Variants in TMEM161A observed in about 807,000 individuals in gnomAD.
TMEM161A encodes adaptive response to oxidative stress protein 29.
TMEM161A carries 46 observed loss-of-function variants against 57.1 expected under a neutral mutation model. The observed-to-expected ratio is 0.81, with a 90% confidence interval of 0.64 to 1.03. The LOEUF (loss-of-function observed/expected upper bound fraction) is 1.03. Among genes scored for constraint, TMEM161A ranks in the 50% least tolerant of loss-of-function variants. The probability of loss-of-function intolerance (pLI) is 0.00; values close to 1 mark genes in which losing one functional copy is unlikely to be tolerated. For missense variants in TMEM161A, 601 were observed against 621.5 expected (o/e 0.97, Z 0.35); for synonymous variants, 288 against 279.0 (o/e 1.03, Z -0.32).
At position 19,133,119 on chromosome 19, in the gene TMEM161A, AGGTCACTCACC is replaced by A; in HGVS notation, c.188_188+10del. The A allele has an allele frequency of 6.2e-7, 1 of 1,612,890 alleles. No individual in the cohort carries two copies. Among genetic ancestry groups the A allele is most frequent in the South Asian group, 1.1e-5 (1 of 90,922 alleles). ...CCTCCCAAGGCTGGGGCTGGGGCCC[AGGTCACTCACC>A]GCTCTTTCCTGCCTCTGGGCCTCGG... On this transcript the variant is annotated splice_donor_variant and splice_donor_5th_base_variant and coding_sequence_variant and intron_variant, in exon 3 of 12. Coordinates refer to ENST00000162044, the MANE Select transcript of TMEM161A (RefSeq NM_017814.3). LOFTEE classifies it high-confidence loss of function.
At chr19:19,126,281 C>T (rs962110179) in intron 6 of TMEM161A, among the ~76,000 whole-genome samples, 6 of 149,360 alleles carry the variant, frequency 4.0e-5, no homozygotes, top group African/African-American at 1.5e-4. Flanking sequence ...AGAGGTGACA[C>T]TTACAACTAC....
rs144358277 is a variant in TMEM161A, at chr19:19,130,260, C to T, written c.491G>A (p.Gly164Glu). 48 of 1,613,752 alleles carry T rather than the reference C, an allele frequency of 3.0e-5. No individual in the cohort carries two copies. Among genetic ancestry groups the T allele is most frequent in the Admixed American group, 6.7e-5 (4 of 59,994 alleles). ...GGTGAGGCAGACAGAGCGCTCACCCCCCTCCTCGGCGCTGAAGTACAGCCG... is the reference window on the plus strand; with the variant it reads ...GGTGAGGCAGACAGAGCGCTCACCCTCCTCCTCGGCGCTGAAGTACAGCCG... Reference protein sequence around the residue: ...VTRLYFSAEEGGERSVCLTFA... With the variant: ...VTRLYFSAEEEGERSVCLTFA... Residue 164 changes from glycine to glutamate, a missense_variant, in exon 6 of 12, where the codon GGG (glycine) becomes GAG (glutamate). Physicochemically the swap from Gly to Glu is moderately conservative, Grantham distance 98 (BLOSUM62 -2). Transcript: ENST00000162044.
Position 19,120,010 on chromosome 19 carries a change from G to A in TMEM161A, c.1360C>T (p.Leu454Phe). Residue 454 changes from leucine to phenylalanine, a missense_variant, in exon 12 of 12, where the codon CTC becomes TTC. Transcript: ENST00000162044. ...TGGCAGGCAGCCGTCCACCAGATGA[G>A]GTAGGCCAGGACGCCACGGAGGAAG... Reference protein sequence around the residue: ...PLFLRGVLAYLIWWTAACQLL... With the variant: ...PLFLRGVLAYFIWWTAACQLL... 6.3e-7 allele frequency: 1 copy of A among 1,595,116 alleles called. No individual in the cohort carries two copies.
intron 2 of TMEM161A, among the ~76,000 whole-genome samples, chr19:19,134,470 C>T (rs1032186123): frequency 3.3e-5 from 5 of 151,946 alleles, no homozygotes; most frequent in African/African-American, 9.7e-5. Context: ...GGCATGGTGG[C>T]GCACACCTGT....
intron 6 of TMEM161A, among the ~76,000 whole-genome samples, chr19:19,128,229 T>G (rs1156622237): frequency 9.2e-6 from 1 of 108,634 alleles, no homozygotes; most frequent in African/African-American, 3.8e-5. Context: ...CTAAATAGAC[T>G]TTTTTTTTTT....
Position 19,120,139 on chromosome 19 carries a change from C to A in TMEM161A, c.1231G>T (p.Asp411Tyr). The change falls in exon 12 of 12, where the codon GAC becomes TAC. Residue 411 changes from aspartate (D) to tyrosine (Y), a missense_variant. By Grantham distance (160) the Asp-to-Tyr change is radical. Coordinates refer to ENST00000162044, the MANE Select transcript of TMEM161A (RefSeq NM_017814.3). The stretch of plus-strand genomic sequence containing the variant: ...GGGGCAGCGCTGGCTGAGGATGGGT[C>A]GGGGGATAGTAGAGGAGCTGGGCCC... ...GLGPAPLLSP[D>Y]PSSASAAPIG... 6.4e-7 allele frequency: 1 copy of A among 1,563,490 alleles called. No homozygotes were observed. Among genetic ancestry groups the A allele is most frequent in the African/African-American group, 1.4e-5 (1 of 73,970 alleles).
intron 6 of TMEM161A, among the ~76,000 whole-genome samples, chr19:19,125,130 C>A (rs1909278222): frequency 6.6e-6 from 1 of 152,082 alleles, no homozygotes; most frequent in East Asian, 1.9e-4. Context: ...GTACTGTTCT[C>A]AAATCCAGAG....
At position 19,132,734 on chromosome 19, in the gene TMEM161A, TCA is replaced by T. The variant is rs1192130424; in HGVS notation, c.207_208del (p.Ser69ArgfsTer65). On this transcript the variant is annotated frameshift_variant, in exon 4 of 12. Transcript: ENST00000162044. LOFTEE classifies it high-confidence loss of function. This position sits in a 1 kb window ranked among gnomAD's most constrained non-coding sequence, Gnocchi z 4.3. ...TCGGGGCACAGACAGTGGCTTCTCC[TCA>T]CTAAGGCCATTGGCCCACCTGGGAG... 6.4e-7 allele frequency: 1 copy of T among 1,560,314 alleles called. No individual in the cohort carries two copies. The highest frequency in any genetic ancestry group is 8.7e-7 in the Non-Finnish European group (1 of 1,153,358).
chr19:19,124,824 G>A (rs532785950), intron 6 of TMEM161A, among the ~76,000 whole-genome samples: 78 of 152,010 alleles, frequency 5.1e-4, no homozygotes, highest in Non-Finnish European at 8.8e-4. Context: ...GCGTGGTGGC[G>A]TGCACCTGTA....
At chr19:19,120,577 C>T (rs2059904020) in intron 11 of TMEM161A, among the ~76,000 whole-genome samples, 188 bp downstream of exon 11, 1 of 151,764 alleles carries the variant, frequency 6.6e-6, no homozygotes, top group African/African-American at 2.4e-5. Context: ...CCCCAGGCTC[C>T]ACTTCCTGTC....
chr19:19,132,835 G>T lies in TMEM161A; in HGVS notation c.189-81C>A. The T allele has an allele frequency of 8.5e-7, 1 of 1,172,452 alleles. No individual in the cohort carries two copies. Among genetic ancestry groups the T allele is most frequent in the Non-Finnish European group, 1.2e-6 (1 of 838,988 alleles). The allele number at this position is 1,172,452 out of a possible 1,614,324, so 72.6% of individuals were successfully genotyped here. The stretch of plus-strand genomic sequence containing the variant: ...GCCACCCTCAGAGCTCAGAGCAGCT[G>T]GCCTGGAGACCATCTCTTTCCACAA... On this transcript the variant is annotated intron_variant, in intron 3 of 11. Coordinates refer to ENST00000162044, the MANE Select transcript of TMEM161A (RefSeq NM_017814.3). This position sits in a 1 kb window ranked among gnomAD's most constrained non-coding sequence, Gnocchi z 4.3.
chr19:19,125,752 G>A (rs892069446), intron 6 of TMEM161A, among the ~76,000 whole-genome samples: 2 of 151,878 alleles, frequency 1.3e-5, no homozygotes, highest in African/African-American at 2.4e-5. Context: ...TGCCGACCTC[G>A]TGATGTGCCC....
intron 11 of TMEM161A, 45 bp downstream of exon 11, chr19:19,120,720 C>A: frequency 6.7e-7 from 1 of 1,492,942 alleles, no homozygotes; most frequent in Non-Finnish European, 9.2e-7. Context: ...TCTGTTTTAT[C>A]TTCCAACTCC....
chr19:19,126,867 CAAAAAATAAAAATAAAAATA>C (rs2055846343), intron 6 of TMEM161A, among the ~76,000 whole-genome samples: 1 of 151,626 alleles, frequency 6.6e-6, no homozygotes, highest in South Asian at 2.1e-4. Context: ...GAGACTGTCT[CAAAAAATAAAAATAAAAATA>C]AAAAAATAAA....
chr19:19,121,921 A>G lies in TMEM161A; in HGVS notation c.596-102T>C. The G allele has an allele frequency of 7.4e-7, 1 of 1,347,958 alleles. No homozygotes were observed. The highest frequency in any genetic ancestry group is 1.0e-6 in the Non-Finnish European group (1 of 974,566). The allele number at this position is 1,347,958 out of a possible 1,614,324, so 83.5% of individuals were successfully genotyped here. A position where few individuals can be genotyped will look rare whatever the true frequency, so the allele number is the denominator to read the frequency against. On this transcript the variant is annotated intron_variant, in intron 6 of 11. Transcript: ENST00000162044. The surrounding 1 kb of genome is among the most constrained non-coding windows in gnomAD (Gnocchi z 5.8). ...TCCCTCAGGCATCCGTTTGCTTCCC[A>G]AGTAGGAATGAACAAGGGTCTGCCA...
chr19:19,126,283 T>TAG, intron 6 of TMEM161A, among the ~76,000 whole-genome samples: 2 of 149,340 alleles, frequency 1.3e-5, no homozygotes, highest in Non-Finnish European at 2.9e-5. Context: ...AGGTGACACT[T>TAG]ACAACTACAT....
chr19:19,131,505 TATACACACAC>T (rs940406350), intron 5 of TMEM161A, among the ~76,000 whole-genome samples: 1 of 101,930 alleles, frequency 9.8e-6, no homozygotes, highest in Non-Finnish European at 2.1e-5. Context: ...TATATATATA[TATACACACAC>T]ACACACACAC....
intron 1 of TMEM161A, 99 bp downstream of exon 1, chr19:19,138,327 C>A: frequency 6.6e-7 from 1 of 1,526,424 alleles, no homozygotes; most frequent in Admixed American, 2.0e-5. Context: ...CTCCAATCCC[C>A]AAGAAGAAAC....
In TMEM161A at chr19:19,132,939, C is replaced by T. The variant is rs748379212; in HGVS notation, c.189-185G>A. The stretch of plus-strand genomic sequence containing the variant: ...CTGGCTAGAGCAAACTGCCAGGAAA[C>T]AGATGCTAACTTGACAGTGACCATC... On this transcript the variant is annotated intron_variant, in intron 3 of 11. Coordinates refer to ENST00000162044, the MANE Select transcript of TMEM161A (RefSeq NM_017814.3). The surrounding 1 kb of genome is among the most constrained non-coding windows in gnomAD (Gnocchi z 4.3). 1 of 708,574 alleles carries T rather than the reference C, an allele frequency of 1.4e-6. No homozygotes were observed. Among genetic ancestry groups the T allele is most frequent in the Non-Finnish European group, 2.3e-6 (1 of 432,954 alleles). 43.9% of individuals were successfully genotyped at this position (708,574 alleles called of 1,614,324 possible). A position where few individuals can be genotyped will look rare whatever the true frequency, so the allele number is the denominator to read the frequency against.
Sources: allele counts gnomAD v4.1 joint callset (sites outside exome capture counted in the v4.1 genomes callset), GRCh38; gene constraint gnomAD v4.1.1; non-coding constraint Gnocchi (gnomAD v3.1); transcripts MANE v1.5; gene names NCBI Gene and HGNC (gene_info 2026-07-23, HGNC 2026-07-21).